Variants in LHX3 observed in about 807,000 individuals in gnomAD.
LHX3 encodes LIM homeobox 3, also known as LIM/homeobox protein Lhx3.
A neutral mutation model predicts 32.4 loss-of-function variants in LHX3; 21 were observed. That is an observed-to-expected ratio of 0.65 (90% confidence interval 0.46 to 0.93). LHX3 has a LOEUF of 0.93. Ranked by LOEUF, LHX3 falls within the 40% of genes least tolerant of loss-of-function variation. The probability of loss-of-function intolerance (pLI) is 0.00; values close to 1 mark genes in which losing one functional copy is unlikely to be tolerated. For missense variants in LHX3, 626 were observed against 560.0 expected (o/e 1.12, Z -1.19); for synonymous variants, 258 against 246.8 (o/e 1.05, Z -0.43).
At chr9:136,203,083 C>G (rs1375471954) in intron 1 of LHX3, 1 of 1,493,066 alleles carries the variant, frequency 6.7e-7, no homozygotes, top group Non-Finnish European at 8.9e-7. Flanking sequence ...CCCGAACTTT[C>G]CCGGGCCCAG....
At chr9:136,200,958 A>G (rs1214034413) in intron 1 of LHX3, among the ~76,000 whole-genome samples, 1 of 152,164 alleles carries the variant, frequency 6.6e-6, no homozygotes, top group Non-Finnish European at 1.5e-5. Flanking sequence ...ATCCTATGTC[A>G]GGAGCTAAGG....
chr9:136,201,236 C>T, intron 1 of LHX3: 1 of 1,272,518 alleles, frequency 7.9e-7, no homozygotes, highest in Non-Finnish European at 9.9e-7. Flanking sequence ...GGACTCCTCG[C>T]AAATGTGGCT....
At chr9:136,200,282 T>C in intron 2 of LHX3, 1 of 547,926 alleles carries the variant, frequency 1.8e-6, no homozygotes. Context: ...AGTAGAATCC[T>C]ACAAATAGGG....
At chr9:136,202,875 C>A in intron 1 of LHX3, 1 of 1,494,122 alleles carries the variant, frequency 6.7e-7, no homozygotes, top group Non-Finnish European at 9.0e-7. Context: ...TGCCAGCCTC[C>A]GCGGCCAGGC....
intron 1 of LHX3, chr9:136,201,463 T>G: frequency 8.2e-7 from 1 of 1,214,152 alleles, no homozygotes; most frequent in South Asian, 4.3e-5. Flanking sequence ...GCAGGCCCCC[T>G]GGAGGAACCA....
In LHX3 at chr9:136,199,666, C is replaced by G. The variant is rs200864979; in HGVS notation, c.454+12G>C. 5.6e-6 allele frequency: 9 copies of G among 1,612,530 alleles called. No homozygotes were observed. Among genetic ancestry groups the G allele is most frequent in the Non-Finnish European group, 7.6e-6 (9 of 1,179,524 alleles). On this transcript the variant is annotated intron_variant, in intron 3 of 5. Transcript: ENST00000371748. ...GACCAGGAAAGGTGGGAGCGTCGTCCCCTCGGCTGACCTCGCTGCTTGGCG... is the reference window on the plus strand; with the variant it reads ...GACCAGGAAAGGTGGGAGCGTCGTCGCCTCGGCTGACCTCGCTGCTTGGCG...
At chr9:136,199,297 G>T (rs1164379210) in intron 3 of LHX3, among the ~76,000 whole-genome samples, 3 of 152,148 alleles carry the variant, frequency 2.0e-5, no homozygotes, top group Non-Finnish European at 4.4e-5. Flanking sequence ...CGGGGGCGGC[G>T]CCTTCCCTAA....
chr9:136,204,438 G>A (rs908934297), intron 1 of LHX3, among the ~76,000 whole-genome samples: 5 of 152,222 alleles, frequency 3.3e-5, no homozygotes, highest in South Asian at 2.1e-4. Context: ...GGGAAGGGGC[G>A]GCGGCAGGTT....
chr9:136,204,316 C>A (rs1831709038), intron 1 of LHX3, among the ~76,000 whole-genome samples: 1 of 152,214 alleles, frequency 6.6e-6, no homozygotes, highest in Admixed American at 6.5e-5. Flanking sequence ...CCAAGAAGGG[C>A]CAGGGCAAGG....
intron 1 of LHX3, chr9:136,203,200 A>T: frequency 9.7e-7 from 1 of 1,033,418 alleles, no homozygotes. Context: ...GGCCGAGCGG[A>T]GGGCGGAGCG....
intron 5 of LHX3, 131 bp from the exon 6 acceptor site, chr9:136,197,874 C>A: frequency 1.1e-6 from 1 of 908,354 alleles, no homozygotes; most frequent in Non-Finnish European, 1.7e-6. Context: ...CAGGTCATAA[C>A]AGGCCCCTTC....
At chr9:136,200,153 A>C in intron 2 of LHX3, 2 of 593,460 alleles carry the variant, frequency 3.4e-6, no homozygotes, top group Non-Finnish European at 6.1e-6. Context: ...GAGGGAGAGG[A>C]CCCATCTGGG....
rs755942037 is a variant in LHX3 at position 136,197,311 on chromosome 9, G to A, written c.*14C>T. On this transcript the variant is annotated 3_prime_UTR_variant, in exon 6 of 6. Transcript: ENST00000371748. ...GCTCCCTCGTGTGAGGTGCAGGGTG[G>A]AGCCGGGCCTGGGTCAGAACTGAGC... The A allele has an allele frequency of 1.2e-6, 2 of 1,611,256 alleles. No individual in the cohort carries two copies. Among genetic ancestry groups the A allele is most frequent in the Admixed American group, 3.3e-5 (2 of 60,016 alleles).
In LHX3 at chr9:136,199,690, C is replaced by A. The variant is rs536809093; in HGVS notation, c.442G>T (p.Ala148Ser). The A allele has an allele frequency of 3.0e-5, 49 of 1,612,744 alleles. 1 individual carries two copies. The highest frequency in any genetic ancestry group is 3.4e-6 in the Non-Finnish European group (4 of 1,179,840). The change falls in exon 3 of 6, where the codon GCC becomes TCC. Residue 148 changes from alanine (A) to serine (S), a missense_variant. By Grantham distance (99) the Ala-to-Ser change is moderately conservative. Transcript: ENST00000371748. The part of the protein sequence containing the change: ...RLVCKADYET[A>S]KQREAEATAK... The stretch of plus-strand genomic sequence containing the variant: ...CCCCTCGGCTGACCTCGCTGCTTGG[C>A]GGTTTCGTAGTCCGCCTTGCACACG...
At position 136,203,287 on chromosome 9, in the gene LHX3, G is replaced by A. The variant is rs371035671; in HGVS notation, c.79+1647C>T. 5.9e-3 allele frequency: 2,051 copies of A among 350,026 alleles called. 46 individuals carry two copies. The highest frequency in any genetic ancestry group is 0.044 in the African/African-American group (1,973 of 44,942). The allele number at this position is 350,026 out of a possible 1,614,324, so 21.7% of individuals were successfully genotyped here. A position where few individuals can be genotyped will look rare whatever the true frequency, so the allele number is the denominator to read the frequency against. On this transcript the variant is annotated intron_variant, in intron 1 of 5. Coordinates refer to ENST00000371748, the MANE Select transcript of LHX3 (RefSeq NM_178138.6). ...GCCCGGGCCACTGCGGACTCTGAGCGCCTTTGCGCCGGGACCTGCGGTGCC... is the reference window on the plus strand; with the variant it reads ...GCCCGGGCCACTGCGGACTCTGAGCACCTTTGCGCCGGGACCTGCGGTGCC...
chr9:136,198,847 G>C, intron 4 of LHX3, 27 bp from the exon 5 acceptor site: 8 of 1,597,118 alleles, frequency 5.0e-6, no homozygotes, highest in Non-Finnish European at 6.8e-6. Context: ...GTGAGCGGCC[G>C]CCCGGCTCTG....
At chr9:136,199,568 C>T in intron 3 of LHX3, 110 bp downstream of exon 3, 16 of 1,195,146 alleles carry the variant, frequency 1.3e-5, no homozygotes, top group Non-Finnish European at 2.0e-5. Context: ...AGCCCAGGCC[C>T]CCTTAGTGAG....
At position 136,205,112 on chromosome 9, in the gene LHX3, G is replaced by A. The variant is rs1336904032; in HGVS notation, c.-100C>T. 1.7e-5 allele frequency: 17 copies of A among 979,802 alleles called. No individual in the cohort carries two copies. Among genetic ancestry groups the A allele is most frequent in the Non-Finnish European group, 2.5e-5 (17 of 691,470 alleles). The allele number at this position is 979,802 out of a possible 1,614,324, so 60.7% of individuals were successfully genotyped here. The stretch of plus-strand genomic sequence containing the variant: ...AGTCCCGCCGCGTCGTGCGGGGCAG[G>A]GAGCCCGGGAGCCACTGGGCCTGGC... On this transcript the variant is annotated 5_prime_UTR_variant, in exon 1 of 6. Coordinates refer to ENST00000371748, the MANE Select transcript of LHX3 (RefSeq NM_178138.6).
Position 136,199,686 on chromosome 9 carries a change from T to C in LHX3, c.446A>G (p.Lys149Arg), listed in dbSNP as rs769479343. 1.2e-6 allele frequency: 2 copies of C among 1,612,848 alleles called. No individual in the cohort carries two copies. Among genetic ancestry groups the C allele is most frequent in the Non-Finnish European group, 1.7e-6 (2 of 1,179,802 alleles). Reference protein sequence around the residue: ...LVCKADYETAKQREAEATAKR... With the variant: ...LVCKADYETARQREAEATAKR... ...TCGTCCCCTCGGCTGACCTCGCTGCTTGGCGGTTTCGTAGTCCGCCTTGCA... is the reference window on the plus strand; with the variant it reads ...TCGTCCCCTCGGCTGACCTCGCTGCCTGGCGGTTTCGTAGTCCGCCTTGCA... The change falls in exon 3 of 6, where the codon AAG (lysine) becomes AGG (arginine). Residue 149 changes from lysine (K) to arginine (R), a missense_variant. Physicochemically the swap from Lys to Arg is conservative, Grantham distance 26. Coordinates refer to ENST00000371748, the MANE Select transcript of LHX3 (RefSeq NM_178138.6).
Sources: gnomAD v4.1 joint callset for allele counts (sites outside exome capture counted in the v4.1 genomes callset) on GRCh38, gnomAD v4.1.1 for gene constraint, MANE v1.5 for transcripts, NCBI Gene and HGNC (gene_info 2026-07-23, HGNC 2026-07-21) for gene names.